Variants in ABCA1 observed in about 807,000 individuals in gnomAD.
ABCA1 encodes phospholipid-transporting ATPase ABCA1.
In ABCA1, 133 loss-of-function variants were observed where a neutral mutation model predicts 262.5. That is an observed-to-expected ratio of 0.51 (90% CI 0.44 to 0.59). The LOEUF is 0.59. Among genes scored for constraint, ABCA1 ranks in the 20% least tolerant of loss-of-function variants. The pLI is 0.00. For synonymous variants in ABCA1, 1,022 were observed against 1,043.5 expected (o/e 0.98, Z 0.40); for missense variants, 2,452 against 2,777.5 (o/e 0.88, Z 2.63).
At chr9:104,820,834 C>A (rs1832264778) in intron 20 of ABCA1, among the ~76,000 whole-genome samples, 1 of 152,158 alleles carries the variant, frequency 6.6e-6, no homozygotes. Context: ...AAGCCCCCAT[C>A]CACTGGCTGG....
intron 14 of ABCA1, among the ~76,000 whole-genome samples, chr9:104,830,625 G>T (rs1013035999): frequency 1.3e-5 from 2 of 152,058 alleles, no homozygotes; most frequent in African/African-American, 2.4e-5. Context: ...GGGAGGCAAA[G>T]GTTGCAGTGA....
intron 34 of ABCA1, among the ~76,000 whole-genome samples, chr9:104,800,830 A>G (rs1482000187): frequency 1.3e-5 from 2 of 152,178 alleles, no homozygotes. Flanking sequence ...CTGGGATGCA[A>G]AGCCCCAAGA....
chr9:104,857,120 A>T (rs2119091034), intron 7 of ABCA1, among the ~76,000 whole-genome samples: 1 of 152,306 alleles, frequency 6.6e-6, no homozygotes, highest in East Asian at 1.9e-4. Context: ...GCTGGGCAAC[A>T]TAGTGAAACC....
chr9:104,909,818 G>C (rs1564290862), intron 1 of ABCA1, among the ~76,000 whole-genome samples: 1 of 152,248 alleles, frequency 6.6e-6, no homozygotes, highest in East Asian at 1.9e-4. Flanking sequence ...GAAAAGGGGA[G>C]AGAGGATGAC....
chr9:104,861,837 T>C (rs1393635655), intron 5 of ABCA1, 37 bp from the exon 6 acceptor site: 9 of 1,505,804 alleles, frequency 6.0e-6, no homozygotes, highest in Admixed American at 2.1e-5. Context: ...ATTTAGTAAG[T>C]AACTCAAAAA....
chr9:104,799,879 C>T lies in ABCA1; in HGVS notation c.4883G>A (p.Gly1628Glu). The change falls in exon 36 of 50, where the codon GGA (glycine) becomes GAA (glutamate). Residue 1628 changes from glycine to glutamate, a missense_variant. Physicochemically the swap from Gly to Glu is moderately conservative, Grantham distance 98. Transcript: ENST00000374736. Reference protein sequence around the residue: ...LQKGENPSHYGITAFNHPLNL... With the variant: ...LQKGENPSHYEITAFNHPLNL... ...CAGGGGATGATTGAAAGCAGTAATT[C>T]CATAATGGCTAGGGTTCTCTCCCTT... The T allele has an allele frequency of 6.2e-7, 1 of 1,614,170 alleles. No individual in the cohort carries two copies. Among genetic ancestry groups the T allele is most frequent in the Non-Finnish European group, 8.5e-7 (1 of 1,180,024 alleles).
chr9:104,858,159 C>T (rs1234921309), intron 7 of ABCA1, among the ~76,000 whole-genome samples: 1 of 152,004 alleles, frequency 6.6e-6, no homozygotes, highest in Non-Finnish European at 1.5e-5. Flanking sequence ...TCCATCTTCC[C>T]ATCAATGGTT....
intron 46 of ABCA1, among the ~76,000 whole-genome samples, chr9:104,787,546 G>T (rs62566032): frequency 6.6e-6 from 1 of 152,092 alleles, no homozygotes; most frequent in African/African-American, 2.4e-5. Flanking sequence ...TCATCTATCC[G>T]TGTGTAAGGA....
chr9:104,788,462 G>A lies in ABCA1; in HGVS notation c.6033C>T (p.Ala2011=). The A allele has an allele frequency of 4.3e-6, 7 of 1,614,102 alleles. No homozygotes were observed. Among genetic ancestry groups the A allele is most frequent in the South Asian group, 1.1e-5 (1 of 91,072 alleles). The part of the protein sequence containing the change: ...LTGREHVEFF[A]LLRGVPEKEV... ...CTTTCTCTGGGACTCCTCTCAAAAG[G>A]GCAAAGAACTCCACGTGTTCTCTCC... Residue 2011 remains alanine (A), a synonymous_variant, in exon 45 of 50, where the codon GCC becomes GCT. Transcript: ENST00000374736.
chr9:104,799,394 TCACACACACA>T (rs3983647), intron 36 of ABCA1: 68,533 of 553,256 alleles, frequency 0.12, 1,391 homozygotes, highest in East Asian at 0.21. Flanking sequence ...GCTTTAAACT[TCACACACACA>T]CACACACACA....
chr9:104,849,536 T>G (rs911733350), intron 7 of ABCA1, among the ~76,000 whole-genome samples: 2 of 152,242 alleles, frequency 1.3e-5, no homozygotes, highest in African/African-American at 4.8e-5. Flanking sequence ...CTAATAATAT[T>G]GGCAATCTGT....
Position 104,831,856 on chromosome 9 carries a change from G to T in ABCA1, c.1510-29C>A, listed in dbSNP as rs771062503. On this transcript the variant is annotated intron_variant, in intron 12 of 49. Transcript: ENST00000374736. ...ATAGAAGAACAGCCTTCATGAGAAC[G>T]TTGGCAGCCAGGACAACAAGCAGTG... The T allele has an allele frequency of 8.1e-6, 13 of 1,609,522 alleles. 1 individual carries two copies. The highest frequency in any genetic ancestry group is 1.7e-4 in the Middle Eastern group (1 of 6,042).
chr9:104,838,525 G>A (rs955723518), intron 9 of ABCA1, among the ~76,000 whole-genome samples: 25 of 151,304 alleles, frequency 1.7e-4, no homozygotes, highest in Admixed American at 2.0e-4. Context: ...GCTGAGGCAG[G>A]AGAATGGCGT....
At chr9:104,917,640 G>A (rs953768587) in intron 1 of ABCA1, among the ~76,000 whole-genome samples, 2 of 152,080 alleles carry the variant, frequency 1.3e-5, no homozygotes, top group Non-Finnish European at 2.9e-5. Flanking sequence ...TGTAATCCCA[G>A]CTACTAGGGA....
intron 15 of ABCA1, 100 bp downstream of exon 15, chr9:104,828,816 C>G: frequency 8.1e-7 from 1 of 1,227,412 alleles, no homozygotes; most frequent in Non-Finnish European, 1.2e-6. Context: ...GACCCCTTCT[C>G]TACCAGAGGC....
At chr9:104,923,964 C>T (rs753140238) in intron 1 of ABCA1, among the ~76,000 whole-genome samples, 4 of 152,180 alleles carry the variant, frequency 2.6e-5, no homozygotes, top group South Asian at 2.1e-4. Context: ...ATCACGTGAG[C>T]GCAGGAGGCT....
intron 30 of ABCA1, among the ~76,000 whole-genome samples, chr9:104,807,894 T>A (rs1181057009): frequency 6.7e-6 from 1 of 148,550 alleles, no homozygotes; most frequent in Non-Finnish European, 1.5e-5. Context: ...ATTATAAATA[T>A]ATATTTTTAA....
chr9:104,906,413 G>A (rs1811137964), intron 1 of ABCA1, among the ~76,000 whole-genome samples: 1 of 152,074 alleles, frequency 6.6e-6, no homozygotes, highest in African/African-American at 2.4e-5. Flanking sequence ...AAAGTGTCTG[G>A]GTTTCAAGAA....
At chr9:104,862,282 T>C (rs1221117364) in intron 5 of ABCA1, among the ~76,000 whole-genome samples, 3 of 151,768 alleles carry the variant, frequency 2.0e-5, no homozygotes, top group African/African-American at 4.8e-5. Context: ...TTTTTTTTTT[T>C]TATCTTTAGT....
Sources: gnomAD v4.1 joint callset for allele counts (sites outside exome capture counted in the v4.1 genomes callset) on GRCh38, gnomAD v4.1.1 for gene constraint, MANE v1.5 for transcripts, NCBI Gene and HGNC (gene_info 2026-07-23, HGNC 2026-07-21) for gene names.